SCFD1: variants seen among roughly 807,000 people sequenced by gnomAD.
SCFD1 encodes sec1 family domain containing 1.
A neutral mutation model predicts 103.2 loss-of-function variants in SCFD1; 37 were observed. The observed-to-expected ratio is 0.36, with a 90% confidence interval of 0.28 to 0.47. The LOEUF (loss-of-function observed/expected upper bound fraction) is 0.47, where lower values mean the gene tolerates loss of function less well. SCFD1 is among the 20% of genes least tolerant of loss of function. The probability of loss-of-function intolerance (pLI) is 1.00; values close to 1 mark genes in which losing one functional copy is unlikely to be tolerated. For missense variants in SCFD1, 639 were observed against 761.2 expected (o/e 0.84, Z 1.89); for synonymous variants, 264 against 245.0 (o/e 1.08, Z -0.73).
intron 16 of SCFD1, among the ~76,000 whole-genome samples, chr14:30,700,752 A>T (rs1174152850): frequency 6.6e-6 from 1 of 152,182 alleles, no homozygotes; most frequent in African/African-American, 2.4e-5. Flanking sequence ...AGCAACTTTT[A>T]TTGTTACCAG....
At chr14:30,680,453 A>G (rs1381603593) in intron 14 of SCFD1, among the ~76,000 whole-genome samples, 1 of 152,198 alleles carries the variant, frequency 6.6e-6, no homozygotes, top group African/African-American at 2.4e-5. Context: ...TCTCAGAAAT[A>G]CTGAATACTT....
At position 30,661,256 on chromosome 14, in the gene SCFD1, T is replaced by C. The variant is rs980203893; in HGVS notation, c.855+7668T>C. Among the ~76,000 whole-genome samples the C allele has an allele frequency of 2.0e-5, 3 of 152,184 alleles. No individual in the cohort carries two copies. In the East Asian group the frequency reaches 5.8e-4, roughly 29 times the overall value. ...AACAAACATGTTTTAATCCTTGCTC[T>C]ACTCGAGTTTCGTTTGAGAGACTGA... On this transcript the variant is annotated intron_variant, in intron 10 of 24. Transcript: ENST00000458591.
chr14:30,733,000 ATTTT>A (rs757293549), intron 23 of SCFD1, among the ~76,000 whole-genome samples: 1 of 147,418 alleles, frequency 6.8e-6, no homozygotes, highest in Non-Finnish European at 1.5e-5. Context: ...ATAAAGTTCG[ATTTT>A]TTTTTCTTTT....
chr14:30,647,483 G>A (rs971741855), intron 7 of SCFD1, among the ~76,000 whole-genome samples: 1 of 151,700 alleles, frequency 6.6e-6, no homozygotes, highest in Admixed American at 6.6e-5. Context: ...GGTACCCTCA[G>A]GAGAAAAGCT....
intron 2 of SCFD1, among the ~76,000 whole-genome samples, chr14:30,628,824 T>C (rs1460067853): frequency 6.6e-6 from 1 of 152,216 alleles, no homozygotes; most frequent in African/African-American, 2.4e-5. Context: ...TCAGATGTTA[T>C]AATACAGTTG....
intron 23 of SCFD1, among the ~76,000 whole-genome samples, chr14:30,728,520 G>A (rs1468457844): frequency 6.6e-6 from 1 of 152,160 alleles, no homozygotes; most frequent in South Asian, 2.1e-4. Flanking sequence ...TGCTGTCCAC[G>A]TGGAACCATA....
chr14:30,655,487 G>A (rs913281882), intron 10 of SCFD1, among the ~76,000 whole-genome samples: 1 of 152,294 alleles, frequency 6.6e-6, no homozygotes, highest in Admixed American at 6.5e-5. Flanking sequence ...AACCACATGG[G>A]ATTCTAATAT....
intron 1 of SCFD1, 51 bp downstream of exon 1, chr14:30,622,450 T>C (rs1193049481): frequency 6.5e-7 from 1 of 1,547,224 alleles, no homozygotes; most frequent in African/African-American, 1.4e-5. Flanking sequence ...CCCGACGACA[T>C]CCTTCTCCTC....
intron 15 of SCFD1, among the ~76,000 whole-genome samples, chr14:30,698,789 A>T (rs536598263): frequency 6.6e-6 from 1 of 152,290 alleles, no homozygotes; most frequent in South Asian, 2.1e-4. Context: ...GATTGTGGAG[A>T]GGAAGGAGCT....
intron 7 of SCFD1, among the ~76,000 whole-genome samples, chr14:30,644,484 CT>C (rs1885609788): frequency 6.6e-6 from 1 of 152,188 alleles, no homozygotes; most frequent in African/African-American, 2.4e-5. Context: ...TAAGTGTTCC[CT>C]TTCCTCTGCA....
intron 15 of SCFD1, among the ~76,000 whole-genome samples, chr14:30,696,111 A>G (rs1004900921): frequency 6.6e-6 from 1 of 152,204 alleles, no homozygotes; most frequent in African/African-American, 2.4e-5. Context: ...TTTAAGCTGC[A>G]TAATTATGGT....
At chr14:30,645,770 C>G (rs573054921) in intron 7 of SCFD1, among the ~76,000 whole-genome samples, 1 of 152,246 alleles carries the variant, frequency 6.6e-6, no homozygotes, top group South Asian at 2.1e-4. Flanking sequence ...ATATAACCTG[C>G]AAAGAGATAG....
chr14:30,659,164 G>A (rs1455973531), intron 10 of SCFD1, among the ~76,000 whole-genome samples: 1 of 148,278 alleles, frequency 6.7e-6, no homozygotes, highest in African/African-American at 2.5e-5. Flanking sequence ...TCTAACTGTA[G>A]CTGCTATAGT....
At position 30,638,322 on chromosome 14, in the gene SCFD1, T is replaced by G. The variant is rs538047422; in HGVS notation, c.435+75T>G. 3.0e-3 allele frequency: 4,745 copies of G among 1,596,074 alleles called. 10 individuals are homozygous for G. The highest frequency in any genetic ancestry group is 3.8e-3 in the Non-Finnish European group (4,428 of 1,168,578). On this transcript the variant is annotated intron_variant, in intron 5 of 24. Coordinates refer to ENST00000458591, the MANE Select transcript of SCFD1 (RefSeq NM_016106.4). ...ACTGTTCTGAAACCCGTAGTTGGCA[T>G]AGATATCTATTTGACAGATGACCAG...
At chr14:30,646,551 A>G (rs1417757665) in intron 7 of SCFD1, among the ~76,000 whole-genome samples, 1 of 152,040 alleles carries the variant, frequency 6.6e-6, no homozygotes, top group East Asian at 1.9e-4. Context: ...TTGCACCTGT[A>G]TTCATCAGGG....
intron 8 of SCFD1, 126 bp downstream of exon 8, chr14:30,649,709 AT>A (rs1204517921): frequency 3.0e-6 from 2 of 668,822 alleles, no homozygotes; most frequent in Non-Finnish European, 5.1e-6. Context: ...AATAGCAAAT[AT>A]TTTTATTTTA....
At chr14:30,648,975 CAAA>C (rs34928852) in intron 7 of SCFD1, among the ~76,000 whole-genome samples, 9 of 99,458 alleles carry the variant, frequency 9.0e-5, no homozygotes, top group Non-Finnish European at 1.1e-4. Flanking sequence ...CACCCCGTCT[CAAA>C]AAAAAAAAAA....
At chr14:30,734,717 T>A in intron 23 of SCFD1, 73 bp from the exon 24 acceptor site, 1 of 1,178,318 alleles carries the variant, frequency 8.5e-7, no homozygotes, top group African/African-American at 1.5e-5. Context: ...ACTAGCATAT[T>A]AATCTCTTTT....
At chr14:30,666,612 A>G (rs1454031812) in intron 10 of SCFD1, among the ~76,000 whole-genome samples, 3 of 152,184 alleles carry the variant, frequency 2.0e-5, no homozygotes, top group African/African-American at 7.2e-5. Flanking sequence ...TGAATCCAGG[A>G]GCTGGTTTTT....
Sources: gnomAD v4.1 joint callset for allele counts (sites outside exome capture counted in the v4.1 genomes callset) on GRCh38, gnomAD v4.1.1 for gene constraint, MANE v1.5 for transcripts, NCBI Gene and HGNC (gene_info 2026-07-23, HGNC 2026-07-21) for gene names.